Variants in ATP10D observed in about 807,000 individuals in gnomAD.
The protein encoded by ATP10D is phospholipid-transporting ATPase VD.
A neutral mutation model predicts 144.8 loss-of-function variants in ATP10D; 89 were observed. The ratio of observed to expected loss-of-function variants is 0.61; its 90% CI spans 0.52 to 0.73. The LOEUF is 0.73. Among genes scored for constraint, ATP10D ranks in the 30% least tolerant of loss-of-function variants. The pLI, the probability that ATP10D is intolerant of heterozygous loss-of-function variation, is 0.00. For synonymous variants in ATP10D, 571 were observed against 615.1 expected, an observed-to-expected ratio of 0.93 and a Z score of 1.06; for missense variants, 1,603 against 1,714.8, an observed-to-expected ratio of 0.93 and a Z score of 1.15.
At chr4:47,558,325 A>C (rs1268900644) in intron 12 of ATP10D, 52 bp downstream of exon 12, 1 of 1,573,266 alleles carries the variant, frequency 6.4e-7, no homozygotes, top group African/African-American at 1.4e-5. Context: ...TCGGAGATTA[A>C]AAGACCATAC....
intron 1 of ATP10D, among the ~76,000 whole-genome samples, chr4:47,489,213 G>A (rs145621371): frequency 6.6e-6 from 1 of 152,248 alleles, no homozygotes; most frequent in African/African-American, 2.4e-5. Flanking sequence ...AATCCCAGCA[G>A]AGCGATAAAT....
chr4:47,527,329 A>G (rs1008591029), intron 5 of ATP10D, among the ~76,000 whole-genome samples: 1 of 152,184 alleles, frequency 6.6e-6, no homozygotes, highest in Non-Finnish European at 1.5e-5. Context: ...ACTTAAATGT[A>G]CATCTACAGT....
In ATP10D at chr4:47,593,355, G is replaced by A. The variant is rs993700585; in HGVS notation, c.*1974G>A. 3.9e-5 allele frequency: 6 copies of A among 151,942 alleles called. No individual in the cohort carries two copies. Among genetic ancestry groups the A allele is most frequent in the African/African-American group, 1.2e-4 (5 of 41,398 alleles). 9.4% of individuals were successfully genotyped at this position (151,942 alleles called of 1,614,324 possible). On this transcript the variant is annotated 3_prime_UTR_variant, in exon 23 of 23. Coordinates refer to ENST00000273859, the MANE Select transcript of ATP10D (RefSeq NM_020453.4). ...CCTGAACAAATGTAAAGCTATTTAT[G>A]TACTTTGCTTAATGTAATCATTCAT...
chr4:47,526,147 A>G (rs1335774850), intron 5 of ATP10D, among the ~76,000 whole-genome samples: 1 of 152,264 alleles, frequency 6.6e-6, no homozygotes, highest in Non-Finnish European at 1.5e-5. Context: ...CATAGATGCA[A>G]AAATTCCACA....
intron 14 of ATP10D, 27 bp from the exon 15 acceptor site, chr4:47,563,553 GT>G: frequency 1.9e-6 from 3 of 1,576,214 alleles, no homozygotes; most frequent in Non-Finnish European, 2.6e-6. Context: ...TTTCTTACAA[GT>G]CCTATTGCAC....
At chr4:47,543,965 A>G (rs570139256) in intron 9 of ATP10D, among the ~76,000 whole-genome samples, 170 of 152,276 alleles carry the variant, frequency 1.1e-3, no homozygotes, top group South Asian at 3.5e-3. Context: ...TCATTCATTT[A>G]TTATTCATTT....
intron 3 of ATP10D, among the ~76,000 whole-genome samples, chr4:47,517,924 T>C (rs1223739082): frequency 6.6e-6 from 1 of 152,182 alleles, no homozygotes; most frequent in Non-Finnish European, 1.5e-5. Flanking sequence ...CTTAATAGGC[T>C]CAGGTAATTT....
chr4:47,507,202 T>C (rs1225988166), intron 1 of ATP10D, among the ~76,000 whole-genome samples: 1 of 152,212 alleles, frequency 6.6e-6, no homozygotes, highest in African/African-American at 2.4e-5. Context: ...GAGAACACTT[T>C]GTAAAAAGTC....
intron 5 of ATP10D, 109 bp downstream of exon 5, chr4:47,525,751 G>A: frequency 2.2e-6 from 2 of 922,702 alleles, no homozygotes; most frequent in Non-Finnish European, 3.3e-6. Flanking sequence ...AATCACTAAA[G>A]GTCGTAACTT....
At chr4:47,523,247 T>C (rs368313783) in intron 4 of ATP10D, 31 bp downstream of exon 4, 4 of 1,568,802 alleles carry the variant, frequency 2.5e-6, no homozygotes, top group African/African-American at 1.4e-5. Context: ...TAGTGGCTTA[T>C]TAACATTTTT....
At chr4:47,530,665 A>G (rs1007447568) in intron 5 of ATP10D, among the ~76,000 whole-genome samples, 1 of 152,112 alleles carries the variant, frequency 6.6e-6, no homozygotes, top group Non-Finnish European at 1.5e-5. Context: ...CATGTTGACC[A>G]GTCTGGTCTC....
rs553359632 is a variant in ATP10D at position 47,567,797 on chromosome 4, G to A, written c.2854-1040G>A. 2.6e-5 allele frequency among the ~76,000 whole-genome samples: 4 copies of A among 152,278 alleles called. No homozygotes were observed. The South Asian group carries it at 8.3e-4, about 32-fold the overall frequency. ...TTATAGTTTTTGTGCTGTTTCATGT[G>A]CACATGTCCATATCTACTTCTTCCT... On this transcript the variant is annotated intron_variant, in intron 15 of 22. Coordinates refer to ENST00000273859, the MANE Select transcript of ATP10D (RefSeq NM_020453.4).
intron 1 of ATP10D, 26 bp from the exon 2 acceptor site, chr4:47,512,478 A>G: frequency 7.0e-7 from 1 of 1,430,124 alleles, no homozygotes; most frequent in East Asian, 2.3e-5. Context: ...AAGCTCATGG[A>G]AGTGTGGTTT....
chr4:47,577,245 A>G (rs1319287940), intron 19 of ATP10D, among the ~76,000 whole-genome samples: 2 of 152,198 alleles, frequency 1.3e-5, no homozygotes, highest in Non-Finnish European at 2.9e-5. Flanking sequence ...CCCCATTGCC[A>G]TCTATTGTGC....
chr4:47,539,903 C>T (rs765393570), intron 9 of ATP10D, among the ~76,000 whole-genome samples: 1 of 152,172 alleles, frequency 6.6e-6, no homozygotes. Flanking sequence ...GAGTATTTTT[C>T]GTTTATGCCT....
chr4:47,587,372 C>T (rs1444448100), intron 22 of ATP10D, among the ~76,000 whole-genome samples, 166 bp downstream of exon 22: 1 of 152,090 alleles, frequency 6.6e-6, no homozygotes, highest in Non-Finnish European at 1.5e-5. Context: ...TATCAGAGAA[C>T]AAAAGTGGCT....
At chr4:47,504,014 A>T (rs1380292883) in intron 1 of ATP10D, among the ~76,000 whole-genome samples, 2 of 152,212 alleles carry the variant, frequency 1.3e-5, no homozygotes, top group Admixed American at 6.5e-5. Flanking sequence ...AAAATATGGA[A>T]TATGTACTCC....
At chr4:47,488,269 ATTATC>A (rs945082566) in intron 1 of ATP10D, among the ~76,000 whole-genome samples, 10 of 151,986 alleles carry the variant, frequency 6.6e-5, no homozygotes, top group South Asian at 2.1e-4. Context: ...AATTTAATAT[ATTATC>A]TTATGTGTAA....
At chr4:47,492,856 TA>T (rs1715153706) in intron 1 of ATP10D, among the ~76,000 whole-genome samples, 1 of 152,176 alleles carries the variant, frequency 6.6e-6, no homozygotes, top group South Asian at 2.1e-4. Flanking sequence ...CTATATTCTT[TA>T]AAGAAAATAA....
Sources: allele counts gnomAD v4.1 joint callset (sites outside exome capture counted in the v4.1 genomes callset), GRCh38; gene constraint gnomAD v4.1.1; transcripts MANE v1.5; gene names NCBI Gene and HGNC (gene_info 2026-07-23, HGNC 2026-07-21).